Variants in ATAD2B observed in about 807,000 individuals in gnomAD.
ATAD2B encodes the protein ATPase family AAA domain containing 2B.
In ATAD2B, 40 loss-of-function variants were observed where a neutral mutation model predicts 167.6. That is an observed-to-expected ratio of 0.24 (90% CI 0.19 to 0.31). ATAD2B has a LOEUF of 0.31. Among genes scored for constraint, ATAD2B ranks in the 10% least tolerant of loss-of-function variants. The pLI is 1.00. For synonymous variants in ATAD2B, 579 were observed against 596.5 expected (o/e 0.97, Z 0.43); for missense variants, 1,242 against 1,757.2 (o/e 0.71, Z 5.24).
chr2:23,883,279 CAAA>C (rs56994882), intron 6 of ATAD2B, among the ~76,000 whole-genome samples: 10 of 88,976 alleles, frequency 1.1e-4, no homozygotes, highest in Middle Eastern at 5.7e-3. Flanking sequence ...AAAACTGTCT[CAAA>C]AAAAAAAAAA....
At chr2:23,772,485 G>C (rs1413475549) in intron 22 of ATAD2B, among the ~76,000 whole-genome samples, 3 of 151,740 alleles carry the variant, frequency 2.0e-5, no homozygotes, top group Admixed American at 2.0e-4. Flanking sequence ...CTTGAATGAA[G>C]AGAAACTAAA....
chr2:23,892,921 G>A (rs1422710756), intron 2 of ATAD2B, among the ~76,000 whole-genome samples: 4 of 152,200 alleles, frequency 2.6e-5, no homozygotes, highest in African/African-American at 7.2e-5. Context: ...TGTACTCACA[G>A]TATTTGTAAG....
the ATAD2B span, among the ~76,000 whole-genome samples, chr2:23,704,432 C>T: frequency 6.6e-6 from 1 of 152,226 alleles, no homozygotes; most frequent in African/African-American, 2.4e-5. Context: ...CCTGCTCTTC[C>T]AGCCCCATCC....
intron 17 of ATAD2B, among the ~76,000 whole-genome samples, chr2:23,810,868 G>A (rs1030971213): frequency 1.3e-5 from 2 of 151,906 alleles, no homozygotes; most frequent in Non-Finnish European, 2.9e-5. Context: ...AAAATTAGCT[G>A]GCTGTGGTGG....
rs1428014947 is a variant in ATAD2B at position 23,812,324 on chromosome 2, T to C, written c.2268-1822A>G. Among the ~76,000 whole-genome samples, 3 of 128,384 alleles carry C rather than the reference T, an allele frequency of 2.3e-5. No individual in the cohort carries two copies. In the South Asian group the frequency reaches 7.3e-4, roughly 31 times the overall value. The allele number at this position is 128,384 out of a possible 152,430, so 84.2% of individuals were successfully genotyped here. On this transcript the variant is annotated intron_variant, in intron 17 of 27. Transcript: ENST00000238789. ...TATTCACTGCAAAAAAAAAAAAAAA[T>C]TAAAAAGGTAAAACAAACATTATCT...
chr2:23,738,555 A>C, the ATAD2B span, among the ~76,000 whole-genome samples: 26 of 152,242 alleles, frequency 1.7e-4, no homozygotes, highest in Admixed American at 1.7e-3. Context: ...GGAAGCACTA[A>C]ACATGGAAAG....
chr2:23,731,983 CA>C, the ATAD2B span, among the ~76,000 whole-genome samples: 113 of 137,890 alleles, frequency 8.2e-4, no homozygotes, highest in African/African-American at 2.6e-3. Flanking sequence ...TCCTAGGGGG[CA>C]AAAAAAAAAA....
intron 13 of ATAD2B, among the ~76,000 whole-genome samples, chr2:23,849,327 T>G (rs768686564): frequency 3.3e-5 from 5 of 152,078 alleles, no homozygotes; most frequent in Non-Finnish European, 7.4e-5. Context: ...ATTTCAAAAT[T>G]AAGTGTATTA....
At chr2:23,741,455 G>T in the ATAD2B span, among the ~76,000 whole-genome samples, 2 of 151,912 alleles carry the variant, frequency 1.3e-5, no homozygotes, top group Non-Finnish European at 1.5e-5. Flanking sequence ...AATGGGGAAA[G>T]GATTCCCTAT....
Position 23,798,337 on chromosome 2 carries a change from A to C in ATAD2B, c.2455-14T>G. 1 of 1,567,594 alleles carries C rather than the reference A, an allele frequency of 6.4e-7. No individual in the cohort carries two copies. Among genetic ancestry groups the C allele is most frequent in the Non-Finnish European group, 8.7e-7 (1 of 1,149,544 alleles). On this transcript the variant is annotated splice_polypyrimidine_tract_variant and intron_variant, in intron 18 of 27. Transcript: ENST00000238789. Reference sequence around the variant, plus strand: ...TTCACGAAAAATCTAATTAAGGAAAAAAACCAACATTAAACAACTCAAATT... The same window carrying C: ...TTCACGAAAAATCTAATTAAGGAAACAAACCAACATTAAACAACTCAAATT...
chr2:23,922,591 T>C lies in ATAD2B; in HGVS notation c.216+3964A>G, dbSNP rs1054541154. On this transcript the variant is annotated intron_variant, in intron 1 of 27. Coordinates refer to ENST00000238789, the MANE Select transcript of ATAD2B (RefSeq NM_017552.4). ...ATAAGCAGTTAATTTCCAAAATACA[T>C]AGGGTACTCCTACAACTCCAAAGGA... Among the ~76,000 whole-genome samples, 3 of 151,090 alleles carry C rather than the reference T, an allele frequency of 2.0e-5. No homozygotes were observed. In the South Asian group the frequency reaches 6.2e-4, roughly 31 times the overall value.
At chr2:23,922,023 A>G (rs1285393523) in intron 1 of ATAD2B, among the ~76,000 whole-genome samples, 6 of 152,194 alleles carry the variant, frequency 3.9e-5, no homozygotes, top group Admixed American at 6.5e-5. Context: ...AGTATACTAA[A>G]GAAGGACCTA....
At position 23,754,634 on chromosome 2, in the gene ATAD2B, T is replaced by G; in HGVS notation, c.4206+13A>C. The G allele has an allele frequency of 6.2e-7, 1 of 1,607,294 alleles. No individual in the cohort carries two copies. Among genetic ancestry groups the G allele is most frequent in the Non-Finnish European group, 8.5e-7 (1 of 1,177,538 alleles). Reference sequence around the variant, plus strand: ...CATTCATTTAAAACTTGACTGGGAATAGCTAAGCTTACCTTCAATCTCTCA... The same window carrying G: ...CATTCATTTAAAACTTGACTGGGAAGAGCTAAGCTTACCTTCAATCTCTCA... On this transcript the variant is annotated intron_variant, in intron 26 of 27. Transcript: ENST00000238789.
At chr2:23,869,325 A>G (rs938952222) in intron 9 of ATAD2B, among the ~76,000 whole-genome samples, 12 of 152,212 alleles carry the variant, frequency 7.9e-5, no homozygotes. Context: ...TAATACTGTA[A>G]TCATTATAAG....
intron 22 of ATAD2B, among the ~76,000 whole-genome samples, chr2:23,766,920 G>GA (rs35692182): frequency 0.64 from 91,638 of 144,066 alleles, 28,961 homozygotes; most frequent in East Asian, 0.78. Context: ...AGTAAGGGGG[G>GA]AAAAAAAAAA....
Position 23,790,973 on chromosome 2 carries a change from C to T in ATAD2B, c.2641-2326G>A, listed in dbSNP as rs187393236. 1.8e-3 allele frequency among the ~76,000 whole-genome samples: 267 copies of T among 152,274 alleles called. 1 individual carries two copies. Among genetic ancestry groups the T allele is most frequent in the Non-Finnish European group, 2.5e-3 (170 of 68,000 alleles). On this transcript the variant is annotated intron_variant, in intron 19 of 27. Coordinates refer to ENST00000238789, the MANE Select transcript of ATAD2B (RefSeq NM_017552.4). Reference sequence around the variant, plus strand: ...TCTGCAGTCAATCCCCACTCCCACTCCCATGTCCCAGCCTAACAACCACTG... The same window carrying T: ...TCTGCAGTCAATCCCCACTCCCACTTCCATGTCCCAGCCTAACAACCACTG...
the ATAD2B span, chr2:23,695,551 A>G: frequency 9.5e-7 from 1 of 1,055,008 alleles, no homozygotes; most frequent in Non-Finnish European, 1.4e-6. This position sits in a 1 kb window ranked among gnomAD's most constrained non-coding sequence, Gnocchi z 7.6. Flanking sequence ...GCAGCCCCAC[A>G]CCATTTCTTT....
intron 12 of ATAD2B, among the ~76,000 whole-genome samples, chr2:23,861,365 T>C (rs1050791270): frequency 6.6e-6 from 1 of 151,524 alleles, no homozygotes; most frequent in Non-Finnish European, 1.5e-5. Context: ...TAAAGATAGA[T>C]ACAAACATTT....
intron 13 of ATAD2B, among the ~76,000 whole-genome samples, chr2:23,838,530 A>C (rs1337548498): frequency 1.3e-5 from 2 of 152,186 alleles, no homozygotes; most frequent in Non-Finnish European, 2.9e-5. Flanking sequence ...TTAAAAGTCC[A>C]AACTATTTGA....
Sources: gnomAD v4.1 joint callset for allele counts (sites outside exome capture counted in the v4.1 genomes callset) on GRCh38, gnomAD v4.1.1 for gene constraint, Gnocchi (gnomAD v3.1) non-coding constraint, MANE v1.5 for transcripts, NCBI Gene and HGNC (gene_info 2026-07-23, HGNC 2026-07-21) for gene names.